The following IPO9 variants were observed in gnomAD, a reference collection of about 807,000 sequenced individuals.
IPO9 encodes importin-9.
A neutral mutation model predicts 128.6 loss-of-function variants in IPO9; 28 were observed. The observed-to-expected ratio is 0.22, with a 90% CI of 0.16 to 0.30. The LOEUF (loss-of-function observed/expected upper bound fraction) is 0.30, where lower values mean the gene tolerates loss of function less well. Ranked by LOEUF, IPO9 falls within the 10% of genes least tolerant of loss-of-function variation. The probability of loss-of-function intolerance (pLI) is 1.00; values close to 1 mark genes in which losing one functional copy is unlikely to be tolerated. For missense variants in IPO9, 935 were observed against 1,293.9 expected (o/e 0.72, Z 4.26); for synonymous variants, 455 against 475.8 (o/e 0.96, Z 0.57).
intron 1 of IPO9, among the ~76,000 whole-genome samples, chr1:201,841,062 T>TA (rs1680026703): frequency 6.6e-6 from 1 of 151,962 alleles, no homozygotes; most frequent in Admixed American, 6.6e-5. Flanking sequence ...AATAAATAAT[T>TA]AAAATTAAAA....
intron 11 of IPO9, 41 bp from the exon 12 acceptor site, chr1:201,858,406 A>C (rs1490741825): frequency 8.6e-7 from 1 of 1,166,276 alleles, no homozygotes; most frequent in Non-Finnish European, 1.2e-6. Context: ...AAATGCATTT[A>C]ATGGGCACAA....
chr1:201,877,796 C>G lies in IPO9; in HGVS notation c.*1742C>G, dbSNP rs1680794296. 1 of 151,900 alleles carries G rather than the reference C, an allele frequency of 6.6e-6. No homozygotes were observed. Among genetic ancestry groups the G allele is most frequent in the African/African-American group, 2.4e-5 (1 of 41,324 alleles). 9.4% of individuals were successfully genotyped at this position (151,900 alleles called of 1,614,324 possible). ...AAAATTAGCCAGGCATGGTGGCATG[C>G]ACTTGTAATCCCAGCTACTCGGGAG... On this transcript the variant is annotated 3_prime_UTR_variant, in exon 24 of 24. Coordinates refer to ENST00000361565, the MANE Select transcript of IPO9 (RefSeq NM_018085.5).
At position 201,880,471 on chromosome 1, in the gene IPO9, G is replaced by C. The variant is rs3179842; in HGVS notation, c.*4417G>C. ...GAAGGAGCTAAGAATGCTTAGCTTA[G>C]AGAAGACAAGAGGAAACAGGACATG... On this transcript the variant is annotated 3_prime_UTR_variant, in exon 24 of 24. Transcript: ENST00000361565. 2 of 152,352 alleles carry C rather than the reference G, an allele frequency of 1.3e-5. No individual in the cohort carries two copies. The highest frequency in any genetic ancestry group is 4.1e-4 in the South Asian group (2 of 4,826). The allele number at this position is 152,352 out of a possible 1,614,324, so 9.4% of individuals were successfully genotyped here.
intron 20 of IPO9, among the ~76,000 whole-genome samples, chr1:201,873,444 CAA>C (rs571580169): frequency 6.9e-5 from 4 of 58,222 alleles, no homozygotes; most frequent in Non-Finnish European, 1.3e-4. Flanking sequence ...GACTCCGTCT[CAA>C]AAAAAAAAAA....
intron 23 of IPO9, 105 bp downstream of exon 23, chr1:201,875,333 T>A: frequency 9.9e-7 from 1 of 1,007,818 alleles, no homozygotes; most frequent in Non-Finnish European, 1.6e-6. Flanking sequence ...CTCATGCCTG[T>A]AATCCCAACA....
At chr1:201,850,517 TC>T (rs959987575) in intron 4 of IPO9, 1 of 152,194 alleles carries the variant, frequency 6.6e-6, no homozygotes, top group South Asian at 2.1e-4. Context: ...GAAGATTTGA[TC>T]CACCAGATAC....
intron 13 of IPO9, among the ~76,000 whole-genome samples, chr1:201,862,079 G>A (rs1233379996): frequency 2.6e-5 from 4 of 152,166 alleles, no homozygotes; most frequent in Non-Finnish European, 5.9e-5. Context: ...GATGACTAAG[G>A]TAATCTTTAT....
chr1:201,852,419 TC>T (rs372109345), intron 5 of IPO9, among the ~76,000 whole-genome samples: 21 of 152,334 alleles, frequency 1.4e-4, no homozygotes, highest in African/African-American at 4.8e-4. Context: ...ATATCGTACT[TC>T]CTGGCATCCA....
intron 20 of IPO9, 139 bp downstream of exon 20, chr1:201,873,100 A>G: frequency 1.9e-6 from 2 of 1,039,780 alleles, no homozygotes; most frequent in South Asian, 4.0e-5. Context: ...GAAGCAGGAA[A>G]CTTAGGTAAA....
At chr1:201,832,846 T>G (rs1679862956) in intron 1 of IPO9, among the ~76,000 whole-genome samples, 1 of 152,206 alleles carries the variant, frequency 6.6e-6, no homozygotes, top group Non-Finnish European at 1.5e-5. Context: ...TGATGATCCC[T>G]TGTCTTGAAG....
chr1:201,829,636 A>G (rs1002024951), intron 1 of IPO9: 30 of 357,104 alleles, frequency 8.4e-5, no homozygotes, highest in African/African-American at 5.4e-4. Context: ...GGAGCCTAGA[A>G]TCTGCAGGGG....
chr1:201,848,332 C>T (rs1680156450), intron 3 of IPO9, 61 bp from the exon 4 acceptor site: 1 of 1,419,222 alleles, frequency 7.0e-7, no homozygotes, highest in East Asian at 2.3e-5. Flanking sequence ...CCCAATTGAA[C>T]TGGGCTCTGC....
rs1301491111 is a variant in IPO9, at chr1:201,877,419, C to T, written c.*1365C>T. ...TTGAGATGCTGAGGCAGGAGAATCGCTTGAACTTGGGAAGCAGAGGTTGCA... is the reference window on the plus strand; with the variant it reads ...TTGAGATGCTGAGGCAGGAGAATCGTTTGAACTTGGGAAGCAGAGGTTGCA... On this transcript the variant is annotated 3_prime_UTR_variant, in exon 24 of 24. Coordinates refer to ENST00000361565, the MANE Select transcript of IPO9 (RefSeq NM_018085.5). The T allele has an allele frequency of 6.6e-6, 1 of 152,086 alleles. No homozygotes were observed. The highest frequency in any genetic ancestry group is 1.5e-5 in the Non-Finnish European group (1 of 68,032). The allele number at this position is 152,086 out of a possible 1,614,324, so 9.4% of individuals were successfully genotyped here. A position where few individuals can be genotyped will look rare whatever the true frequency, so the allele number is the denominator to read the frequency against.
At position 201,829,385 on chromosome 1, in the gene IPO9, G is replaced by A; in HGVS notation, c.163+13G>A. 6.4e-7 allele frequency: 1 copy of A among 1,551,512 alleles called. No homozygotes were observed. Among genetic ancestry groups the A allele is most frequent in the Non-Finnish European group, 8.7e-7 (1 of 1,149,288 alleles). Reference sequence around the variant, plus strand: ...GAGGTGACGGAGGGTGAGTGAGGCGGGACCGTCACGAGGATGGCTCAGCCG... The same window carrying A: ...GAGGTGACGGAGGGTGAGTGAGGCGAGACCGTCACGAGGATGGCTCAGCCG... On this transcript the variant is annotated intron_variant, in intron 1 of 23. Transcript: ENST00000361565.
At position 201,829,251 on chromosome 1, in the gene IPO9, G is replaced by A. The variant is rs746763945; in HGVS notation, c.42G>A (p.Pro14=). 10 of 1,584,608 alleles carry A rather than the reference G, an allele frequency of 6.3e-6. No individual in the cohort carries two copies. The highest frequency in any genetic ancestry group is 5.5e-5 in the African/African-American group (4 of 72,204). ...CAGCTGGTGCGGCCTCCGGGCTGCCGGGTCCAGTGGCACAAGGATTAAAGG... is the reference window on the plus strand; with the variant it reads ...CAGCTGGTGCGGCCTCCGGGCTGCCAGGTCCAGTGGCACAAGGATTAAAGG... ...AAAAGAASGL[P]GPVAQGLKEA... is the part of the protein sequence containing the mutation. Residue 14 remains proline (P), a synonymous_variant, in exon 1 of 24, where the codon CCG becomes CCA. Transcript: ENST00000361565.
intron 1 of IPO9, among the ~76,000 whole-genome samples, chr1:201,837,471 T>C (rs2102868824): frequency 6.6e-6 from 1 of 152,276 alleles, no homozygotes; most frequent in East Asian, 1.9e-4. Context: ...ATGGAAAATG[T>C]GTGGTTCTTT....
At chr1:201,844,281 T>A (rs1680089651) in intron 1 of IPO9, among the ~76,000 whole-genome samples, 1 of 152,212 alleles carries the variant, frequency 6.6e-6, no homozygotes, top group Non-Finnish European at 1.5e-5. Flanking sequence ...GGACACAGCA[T>A]CACTTTCTGG....
intron 20 of IPO9, among the ~76,000 whole-genome samples, chr1:201,873,986 C>A (rs1464854530): frequency 6.6e-6 from 1 of 152,158 alleles, no homozygotes. Flanking sequence ...CTATACAGTT[C>A]CTTGGTTTCA....
At chr1:201,873,901 G>A (rs1680707721) in intron 20 of IPO9, among the ~76,000 whole-genome samples, 2 of 152,190 alleles carry the variant, frequency 1.3e-5, no homozygotes, top group Non-Finnish European at 2.9e-5. Context: ...GTATAGAGCT[G>A]CTATCTTTAA....
Sources: gnomAD v4.1 joint callset for allele counts (sites outside exome capture counted in the v4.1 genomes callset) on GRCh38, gnomAD v4.1.1 for gene constraint, MANE v1.5 for transcripts, NCBI Gene and HGNC (gene_info 2026-07-23, HGNC 2026-07-21) for gene names.